RGS7: variants seen among roughly 807,000 people sequenced by gnomAD.
The protein encoded by RGS7 is regulator of G-protein signaling 7.
Under a neutral mutation model 81.1 loss-of-function variants are expected in RGS7, and 27 were observed. The ratio of observed to expected loss-of-function variants is 0.33; its 90% CI spans 0.25 to 0.46. The LOEUF is 0.46. RGS7 is among the 20% of genes least tolerant of loss of function. The probability of loss-of-function intolerance (pLI) is 1.00; values close to 1 mark genes in which losing one functional copy is unlikely to be tolerated. For missense variants in RGS7, 396 were observed against 607.4 expected, an observed-to-expected ratio of 0.65 and a Z score of 3.66; for synonymous variants, 208 against 207.7, an observed-to-expected ratio of 1.00 and a Z score of -0.01.
chr1:240,792,070 G>T (rs372150066), intron 18 of RGS7, among the ~76,000 whole-genome samples: 1 of 152,106 alleles, frequency 6.6e-6, no homozygotes, highest in Non-Finnish European at 1.5e-5. Flanking sequence ...CATAATATGA[G>T]ATTCAGATCA....
chr1:241,167,809 C>T (rs139801138), intron 2 of RGS7, among the ~76,000 whole-genome samples: 2 of 152,246 alleles, frequency 1.3e-5, no homozygotes, highest in African/African-American at 2.4e-5. Context: ...TGAACCACCA[C>T]GCCCGGCCTG....
chr1:240,942,978 AAAG>A (rs1366290620), intron 4 of RGS7, among the ~76,000 whole-genome samples: 2 of 152,200 alleles, frequency 1.3e-5, no homozygotes, highest in African/African-American at 4.8e-5. Flanking sequence ...GGAGTTAGTA[AAAG>A]AAGTACCTCA....
Position 241,208,955 on chromosome 1 carries a change from G to A in RGS7, c.79-110193C>T, listed in dbSNP as rs117988668. On this transcript the variant is annotated intron_variant, in intron 2 of 18. Coordinates refer to ENST00000440928, the MANE Select transcript of RGS7 (RefSeq NM_001364886.1). ...GAGGGACGGACAGAAACCTATCAGC[G>A]CTCAGGCAGAACAGGTGCTCCAGTG... is the stretch of plus-strand genomic sequence containing the variant. Among the ~76,000 whole-genome samples, 35 of 152,320 alleles carry A rather than the reference G, an allele frequency of 2.3e-4. No homozygotes were observed. The East Asian group carries it at 6.4e-3, about 28-fold the overall frequency.
intron 2 of RGS7, among the ~76,000 whole-genome samples, chr1:241,132,655 T>C (rs1226949235): frequency 3.3e-5 from 5 of 152,172 alleles, no homozygotes; most frequent in African/African-American, 4.8e-5. Flanking sequence ...GGGAGGTACA[T>C]TAGCCTCAAA....
At position 241,144,965 on chromosome 1, in the gene RGS7, T is replaced by TGTGTGTGTG. The variant is rs1558125889; in HGVS notation, c.79-46204_79-46203insCACACACAC. 8.0e-6 allele frequency among the ~76,000 whole-genome samples: 1 copy of TGTGTGTGTG among 124,952 alleles called. No homozygotes were observed. The highest frequency in any genetic ancestry group is 4.0e-5 in the African/African-American group (1 of 24,830). 82.0% of individuals were successfully genotyped at this position (124,952 alleles called of 152,430 possible). A position where few individuals can be genotyped will look rare whatever the true frequency, so the allele number is the denominator to read the frequency against. ...TGTGTGTGTGTGTGTGTGTGTGTGT[T>TGTGTGTGTG]CGTGTTCATTCTTCCTGTTCCTGTT... is the stretch of plus-strand genomic sequence containing the variant. On this transcript the variant is annotated intron_variant, in intron 2 of 18. Coordinates refer to ENST00000440928, the MANE Select transcript of RGS7 (RefSeq NM_001364886.1). This position sits in a 1 kb window ranked among gnomAD's most constrained non-coding sequence, Gnocchi z 4.7.
intron 9 of RGS7, among the ~76,000 whole-genome samples, chr1:240,828,754 GCTAGC>G (rs762473705): frequency 9.2e-5 from 14 of 152,148 alleles, no homozygotes; most frequent in Non-Finnish European, 2.1e-4. Context: ...GCCAATGCAC[GCTAGC>G]CTGGGCAACA....
At chr1:240,836,616 C>A (rs781046642) in intron 9 of RGS7, among the ~76,000 whole-genome samples, 1 of 152,194 alleles carries the variant, frequency 6.6e-6, no homozygotes, top group Non-Finnish European at 1.5e-5. Flanking sequence ...GTTGTATTTA[C>A]ATACAATGTT....
intron 2 of RGS7, among the ~76,000 whole-genome samples, chr1:241,281,566 G>T (rs1412481991): frequency 6.6e-6 from 1 of 152,224 alleles, no homozygotes; most frequent in Non-Finnish European, 1.5e-5. Context: ...GAAAAGTCAT[G>T]TGAGTTGCTT....
At chr1:241,048,408 C>G (rs1489300640) in intron 3 of RGS7, among the ~76,000 whole-genome samples, 7 of 152,162 alleles carry the variant, frequency 4.6e-5, no homozygotes, top group African/African-American at 7.2e-5. Context: ...ATATCTCCCC[C>G]ACCCCTAACC....
chr1:241,028,449 C>CA (rs1289712793), intron 3 of RGS7, among the ~76,000 whole-genome samples: 2 of 152,148 alleles, frequency 1.3e-5, no homozygotes, highest in Admixed American at 6.5e-5. Context: ...AGGGAGGACA[C>CA]AGAGGTAGAG....
Position 240,963,020 on chromosome 1 carries a change from G to T in RGS7, c.226+20059C>A, listed in dbSNP as rs539799331. On this transcript the variant is annotated intron_variant, in intron 4 of 18. Coordinates refer to ENST00000440928, the MANE Select transcript of RGS7 (RefSeq NM_001364886.1). ...GAGACATGATTAGATCTGAGTTTTG[G>T]AAAGATCATTATAGATGCAGTGAAA... Among the ~76,000 whole-genome samples the T allele has an allele frequency of 3.3e-5, 5 of 152,286 alleles. No individual in the cohort carries two copies. In the South Asian group the frequency reaches 6.2e-4, roughly 19 times the overall value.
chr1:240,788,278 A>G (rs1473289608), intron 18 of RGS7, among the ~76,000 whole-genome samples: 1 of 152,252 alleles, frequency 6.6e-6, no homozygotes, highest in Non-Finnish European at 1.5e-5. Context: ...AATTATAAAC[A>G]GCTATGGGAA....
intron 2 of RGS7, among the ~76,000 whole-genome samples, chr1:241,313,652 A>C (rs565622160): frequency 8.9e-4 from 135 of 152,340 alleles, no homozygotes; most frequent in African/African-American, 3.2e-3. Flanking sequence ...AACAAAATAC[A>C]TTTTGTAAGT....
At chr1:240,853,762 C>A (rs1660542594) in intron 9 of RGS7, among the ~76,000 whole-genome samples, 1 of 151,612 alleles carries the variant, frequency 6.6e-6, no homozygotes, top group Non-Finnish European at 1.5e-5. Flanking sequence ...ATTAGCCGGG[C>A]GTGGTGCGGG....
intron 5 of RGS7, among the ~76,000 whole-genome samples, chr1:240,933,120 G>A (rs915265887): frequency 6.6e-6 from 1 of 151,038 alleles, no homozygotes; most frequent in South Asian, 2.1e-4. Flanking sequence ...CTGACCTCGT[G>A]ATCTGCCCCC....
At chr1:241,064,716 A>G (rs1213261394) in intron 3 of RGS7, among the ~76,000 whole-genome samples, 1 of 151,486 alleles carries the variant, frequency 6.6e-6, no homozygotes, top group African/African-American at 2.4e-5. Flanking sequence ...GCAACATAAG[A>G]CCTCATTTAA....
chr1:241,310,369 G>A (rs1297345331), intron 2 of RGS7, among the ~76,000 whole-genome samples: 1 of 151,730 alleles, frequency 6.6e-6, no homozygotes, highest in East Asian at 1.9e-4. Context: ...GTGAGAGTGT[G>A]TGTGTGTGTA....
intron 2 of RGS7, among the ~76,000 whole-genome samples, chr1:241,286,650 C>T (rs540803525): frequency 5.3e-5 from 8 of 152,198 alleles, no homozygotes; most frequent in Non-Finnish European, 1.0e-4. Context: ...TTCCATTTGG[C>T]CCAAACTAGG....
chr1:241,145,014 G>A (rs543936231), intron 2 of RGS7, among the ~76,000 whole-genome samples: 3 of 148,592 alleles, frequency 2.0e-5, no homozygotes, highest in African/African-American at 7.5e-5. Context: ...CTTGGGTGTC[G>A]ATGAAACTTT....
Sources: allele counts gnomAD v4.1 joint callset (sites outside exome capture counted in the v4.1 genomes callset), GRCh38; gene constraint gnomAD v4.1.1; non-coding constraint Gnocchi (gnomAD v3.1); transcripts MANE v1.5; gene names NCBI Gene and HGNC (gene_info 2026-07-23, HGNC 2026-07-21).